The following SLC39A8 variants were observed in gnomAD, a reference collection of about 807,000 sequenced individuals.
SLC39A8 encodes the protein metal cation symporter ZIP8.
A neutral mutation model predicts 40.4 loss-of-function variants in SLC39A8; 15 were observed. The observed-to-expected ratio is 0.37, with a 90% CI of 0.25 to 0.57. The LOEUF (loss-of-function observed/expected upper bound fraction) is 0.57. SLC39A8 is among the 20% of genes least tolerant of loss of function. The probability of loss-of-function intolerance (pLI) is 0.75; values close to 1 mark genes in which losing one functional copy is unlikely to be tolerated. For missense variants in SLC39A8, 472 were observed against 558.8 expected (o/e 0.84, Z 1.57); for synonymous variants, 223 against 221.6 (o/e 1.01, Z -0.06).
At chr4:102,296,820 T>C (rs1012073985) in intron 6 of SLC39A8, among the ~76,000 whole-genome samples, 1 of 152,056 alleles carries the variant, frequency 6.6e-6, no homozygotes, top group Non-Finnish European at 1.5e-5. Flanking sequence ...ACCTCATAAG[T>C]AACTCAACAG....
At chr4:102,273,246 C>T (rs930908119) in intron 6 of SLC39A8, among the ~76,000 whole-genome samples, 4 of 152,144 alleles carry the variant, frequency 2.6e-5, no homozygotes, top group Non-Finnish European at 4.4e-5. Flanking sequence ...CTGGGGCACT[C>T]GAGCTTGGTG....
chr4:102,283,400 G>A (rs554600915), intron 6 of SLC39A8, among the ~76,000 whole-genome samples: 4 of 152,176 alleles, frequency 2.6e-5, no homozygotes, highest in Non-Finnish European at 4.4e-5. Context: ...TAAGTAGCTT[G>A]TTGCTATAAG....
At chr4:102,302,132 G>A (rs1281348618) in intron 6 of SLC39A8, among the ~76,000 whole-genome samples, 6 of 151,952 alleles carry the variant, frequency 3.9e-5, no homozygotes, top group African/African-American at 1.4e-4. Context: ...GTTCAAGGTT[G>A]GACCAGGTTC....
rs1731892771 is a variant in SLC39A8, at chr4:102,262,143, A to G, written c.*901T>C. 1 of 985,852 alleles carries G rather than the reference A, an allele frequency of 1.0e-6. No homozygotes were observed. Among genetic ancestry groups the G allele is most frequent in the African/African-American group, 1.7e-5 (1 of 57,366 alleles). The allele number at this position is 985,852 out of a possible 1,614,324, so 61.1% of individuals were successfully genotyped here. ...CAGCTGTTGTTTTGCATTTATTAAAATATTCTCTGCTAAATAGTTATGTTT... is the reference window on the plus strand; with the variant it reads ...CAGCTGTTGTTTTGCATTTATTAAAGTATTCTCTGCTAAATAGTTATGTTT... On this transcript the variant is annotated 3_prime_UTR_variant, in exon 9 of 9. Transcript: ENST00000356736.
intron 2 of SLC39A8, among the ~76,000 whole-genome samples, chr4:102,324,652 A>G (rs529094439): frequency 2.6e-4 from 39 of 152,350 alleles, no homozygotes; most frequent in African/African-American, 9.4e-4. Context: ...TGCCAGGTAC[A>G]TAGCAATATT....
At chr4:102,265,800 G>A (rs1578555385) in intron 8 of SLC39A8, among the ~76,000 whole-genome samples, 1 of 152,138 alleles carries the variant, frequency 6.6e-6, no homozygotes, top group East Asian at 1.9e-4. Context: ...ATCAATCAGT[G>A]GGATGGAATT....
chr4:102,296,411 G>A lies in SLC39A8; in HGVS notation c.840+7906C>T, dbSNP rs368214009. On this transcript the variant is annotated intron_variant, in intron 6 of 8. Coordinates refer to ENST00000356736, the MANE Select transcript of SLC39A8 (RefSeq NM_001135146.2). ...AAAGGTGCAAAAGATGAAGTGATGCGACTTGATGACTATGATAAAAACTAA... is the reference window on the plus strand; with the variant it reads ...AAAGGTGCAAAAGATGAAGTGATGCAACTTGATGACTATGATAAAAACTAA... 5.9e-4 allele frequency among the ~76,000 whole-genome samples: 90 copies of A among 152,126 alleles called. 1 individual carries two copies. In the South Asian group the frequency reaches 0.017, roughly 28 times the overall value.
At chr4:102,297,812 G>A (rs1733746324) in intron 6 of SLC39A8, among the ~76,000 whole-genome samples, 1 of 152,044 alleles carries the variant, frequency 6.6e-6, no homozygotes, top group South Asian at 2.1e-4. Flanking sequence ...CAGCTACTTG[G>A]GAGGCTGAGG....
At chr4:102,341,789 C>T (rs1244265719) in intron 2 of SLC39A8, among the ~76,000 whole-genome samples, 2 of 152,186 alleles carry the variant, frequency 1.3e-5, no homozygotes, top group East Asian at 3.8e-4. Context: ...AATTGTCTAA[C>T]AAATCTCCAG....
At chr4:102,316,312 A>G (rs952971782) in intron 2 of SLC39A8, among the ~76,000 whole-genome samples, 32 of 152,274 alleles carry the variant, frequency 2.1e-4, no homozygotes, top group African/African-American at 7.5e-4. Context: ...TCTTCTCTAC[A>G]CTGCAATAAA....
At chr4:102,258,104 G>GT (rs752860248), downstream of SLC39A8, among the ~76,000 whole-genome samples, 16,598 of 145,620 alleles carry the variant, frequency 0.11, 2,373 homozygotes, top group African/African-American at 0.33. Flanking sequence ...AGTGTTTTTT[G>GT]TTTTTTGTTT....
chr4:102,267,426 T>G, intron 8 of SLC39A8, 64 bp downstream of exon 8: 2 of 1,448,910 alleles, frequency 1.4e-6, no homozygotes. Flanking sequence ...TTAGTTAACT[T>G]ATAATCCAGA....
At position 102,264,553 on chromosome 4, in the gene SLC39A8, A is replaced by C. The variant is rs115433270; in HGVS notation, c.1234-1360T>G. 6.0e-3 allele frequency among the ~76,000 whole-genome samples: 908 copies of C among 152,354 alleles called. 4 individuals are homozygous for C. Among genetic ancestry groups the C allele is most frequent in the Admixed American group, 0.016 (247 of 15,304 alleles). ...TCACTGACCTCAACTTAAAGTTACC[A>C]GCTGCATTAGTCCCTAGTAAGACAG... On this transcript the variant is annotated intron_variant, in intron 8 of 8. Coordinates refer to ENST00000356736, the MANE Select transcript of SLC39A8 (RefSeq NM_001135146.2).
chr4:102,295,156 T>C (rs1733630393), intron 6 of SLC39A8, among the ~76,000 whole-genome samples: 1 of 148,002 alleles, frequency 6.8e-6, no homozygotes. Context: ...TGTGTTTATA[T>C]GTGTATATAT....
chr4:102,310,634 A>G (rs1326519457), intron 3 of SLC39A8, among the ~76,000 whole-genome samples: 2 of 152,144 alleles, frequency 1.3e-5, no homozygotes, highest in African/African-American at 2.4e-5. Context: ...AGCACACTGC[A>G]TAGCTTCCCC....
intron 6 of SLC39A8, among the ~76,000 whole-genome samples, chr4:102,302,918 T>C (rs1026940200): frequency 1.3e-4 from 20 of 151,986 alleles, no homozygotes; most frequent in African/African-American, 4.8e-4. Flanking sequence ...TTCATTACAC[T>C]GCAAAAAATA....
chr4:102,292,777 T>C (rs1423390579), intron 6 of SLC39A8, among the ~76,000 whole-genome samples: 1 of 152,052 alleles, frequency 6.6e-6, no homozygotes, highest in African/African-American at 2.4e-5. Flanking sequence ...ATGATGGTGA[T>C]GTATGGTTGT....
chr4:102,265,143 C>T (rs1260965853), intron 8 of SLC39A8, among the ~76,000 whole-genome samples: 1 of 152,164 alleles, frequency 6.6e-6, no homozygotes, highest in Non-Finnish European at 1.5e-5. Flanking sequence ...TCAACATGCC[C>T]TCCTCACTAA....
At chr4:102,266,082 A>G (rs989371626) in intron 8 of SLC39A8, among the ~76,000 whole-genome samples, 3 of 152,128 alleles carry the variant, frequency 2.0e-5, no homozygotes, top group East Asian at 1.9e-4. Context: ...CTCTTATTTC[A>G]TAGCATTTTT....
Sources: gnomAD v4.1 joint callset for allele counts (sites outside exome capture counted in the v4.1 genomes callset) on GRCh38, gnomAD v4.1.1 for gene constraint, MANE v1.5 for transcripts, NCBI Gene and HGNC (gene_info 2026-07-23, HGNC 2026-07-21) for gene names.